TMEM192: variants seen among roughly 807,000 people sequenced by gnomAD.
TMEM192 encodes transmembrane protein 192.
TMEM192 carries 20 observed loss-of-function variants against 26.7 expected under a neutral mutation model. The observed-to-expected ratio is 0.75, with a 90% CI of 0.53 to 1.09. TMEM192 has a LOEUF of 1.09. Among genes scored for constraint, TMEM192 ranks in the 50% least tolerant of loss-of-function variants. The probability of loss-of-function intolerance (pLI) is 0.00; values close to 1 mark genes in which losing one functional copy is unlikely to be tolerated. For synonymous variants in TMEM192, 124 were observed against 121.0 expected (o/e 1.02, Z -0.16); for missense variants, 304 against 322.6 (o/e 0.94, Z 0.44).
Position 165,078,353 on chromosome 4 carries a change from A to ATTTG in TMEM192, c.*1304_*1305insCAAA, listed in dbSNP as rs1734436162. 6.6e-6 allele frequency: 1 copy of ATTTG among 152,220 alleles called. No individual in the cohort carries two copies. The highest frequency in any genetic ancestry group is 2.1e-4 in the South Asian group (1 of 4,832). 9.4% of individuals were successfully genotyped at this position (152,220 alleles called of 1,614,324 possible). A position where few individuals can be genotyped will look rare whatever the true frequency, so the allele number is the denominator to read the frequency against. On this transcript the variant is annotated 3_prime_UTR_variant, in exon 6 of 6. Coordinates refer to ENST00000306480, the MANE Select transcript of TMEM192 (RefSeq NM_001100389.2). ...CAGCATATAACAGTGCTAACAGCAAACTGACAAATTAAAGGGGCATACTAG... is the reference window on the plus strand; with the variant it reads ...CAGCATATAACAGTGCTAACAGCAAATTTGCTGACAAATTAAAGGGGCATACTAG...
chr4:165,111,607 T>C (rs1735294174), intron 1 of TMEM192: 2 of 152,202 alleles, frequency 1.3e-5, no homozygotes, highest in South Asian at 4.1e-4. Flanking sequence ...TCAGAAACAA[T>C]GAATTTTGCT....
intron 3 of TMEM192, among the ~76,000 whole-genome samples, chr4:165,092,016 G>GATGAAGAT (rs1734777389): frequency 6.6e-6 from 1 of 151,266 alleles, no homozygotes; most frequent in South Asian, 2.1e-4. Flanking sequence ...GAAAATCCAG[G>GATGAAGAT]ACAAGTTACC....
intron 1 of TMEM192, chr4:165,111,680 C>T (rs544662958): frequency 6.6e-6 from 1 of 152,280 alleles, no homozygotes; most frequent in South Asian, 2.1e-4. Flanking sequence ...ATTTTCTCAA[C>T]TGGAAAAAAT....
At chr4:165,094,840 AGC>A (rs1734856601) in intron 3 of TMEM192, among the ~76,000 whole-genome samples, 1 of 150,692 alleles carries the variant, frequency 6.6e-6, no homozygotes, top group East Asian at 2.0e-4. Flanking sequence ...TGGGCATGGT[AGC>A]GCACACCTGT....
At chr4:165,099,464 TA>T (rs1734988684) in intron 3 of TMEM192, among the ~76,000 whole-genome samples, 1 of 152,180 alleles carries the variant, frequency 6.6e-6, no homozygotes, top group Non-Finnish European at 1.5e-5. Context: ...TCTGCAACGA[TA>T]AAGAAAAGCA....
chr4:165,100,536 A>T, intron 3 of TMEM192, 92 bp downstream of exon 3: 1 of 1,394,636 alleles, frequency 7.2e-7, no homozygotes, highest in Non-Finnish European at 9.7e-7. Flanking sequence ...ATGAGAGAAT[A>T]TATTTGATTC....
rs922740814 is a variant in TMEM192 at position 165,102,279 on chromosome 4, CT to C, written c.174+670del. Among the ~76,000 whole-genome samples the C allele has an allele frequency of 4.3e-4, 66 of 152,246 alleles. 1 individual carries two copies. In the Middle Eastern group the frequency reaches 0.014, roughly 32 times the overall value. ...TCAACATATGTAGACTTTTCTGCAT[CT>C]TTTTTGTAACTGAAAAAGTAATACA... On this transcript the variant is annotated intron_variant, in intron 2 of 5. Transcript: ENST00000306480.
At chr4:165,112,655 G>T in intron 1 of TMEM192, 92 bp downstream of exon 1, 2 of 1,556,634 alleles carry the variant, frequency 1.3e-6, no homozygotes, top group Admixed American at 1.8e-5. Flanking sequence ...GTCGCCAAGG[G>T]TGGCTTCCCT....
rs1734409767 is a variant in TMEM192 at position 165,077,488 on chromosome 4, T to A, written c.*2170A>T. On this transcript the variant is annotated 3_prime_UTR_variant, in exon 6 of 6. Transcript: ENST00000306480. ...AAGGCCGGGCACAGTGGCTCATGCC[T>A]GTAATCCCAACACTTTGGGAGGCCA... is the stretch of plus-strand genomic sequence containing the variant. The A allele has an allele frequency of 6.6e-6, 1 of 152,208 alleles. No individual in the cohort carries two copies. The highest frequency in any genetic ancestry group is 2.1e-4 in the South Asian group (1 of 4,824). The allele number at this position is 152,208 out of a possible 1,614,324, so 9.4% of individuals were successfully genotyped here.
At chr4:165,086,335 A>T (rs1302751851) in intron 4 of TMEM192, among the ~76,000 whole-genome samples, 4 of 151,252 alleles carry the variant, frequency 2.6e-5, no homozygotes, top group African/African-American at 9.7e-5. Flanking sequence ...TATGGGTGTG[A>T]GGGTGTATGG....
Position 165,076,020 on chromosome 4 carries a change from T to A in TMEM192, c.*3638A>T, listed in dbSNP as rs1043182595. 1 of 150,866 alleles carries A rather than the reference T, an allele frequency of 6.6e-6. No homozygotes were observed. Among genetic ancestry groups the A allele is most frequent in the Admixed American group, 6.6e-5 (1 of 15,114 alleles). The allele number at this position is 150,866 out of a possible 1,614,324, so 9.3% of individuals were successfully genotyped here. A position where few individuals can be genotyped will look rare whatever the true frequency, so the allele number is the denominator to read the frequency against. ...ACTGCACTCCAGCCTGGGAGACAGA[T>A]GAGACTAAAAAAAAAAACAAAACAA... is the stretch of plus-strand genomic sequence containing the variant. On this transcript the variant is annotated 3_prime_UTR_variant, in exon 6 of 6. Coordinates refer to ENST00000306480, the MANE Select transcript of TMEM192 (RefSeq NM_001100389.2).
chr4:165,086,669 C>T (rs1306513347), intron 4 of TMEM192, among the ~76,000 whole-genome samples: 1 of 152,000 alleles, frequency 6.6e-6, no homozygotes, highest in East Asian at 1.9e-4. Flanking sequence ...AAGTGATCCA[C>T]CCGCTGAGGC....
chr4:165,109,015 C>T (rs973838875), intron 1 of TMEM192, among the ~76,000 whole-genome samples: 2 of 152,194 alleles, frequency 1.3e-5, no homozygotes, highest in Non-Finnish European at 2.9e-5. Flanking sequence ...GTCTGATGTC[C>T]GGTATCTCAC....
chr4:165,079,158 C>T lies in TMEM192; in HGVS notation c.*500G>A, dbSNP rs1370788485. 1 of 152,604 alleles carries T rather than the reference C, an allele frequency of 6.6e-6. No individual in the cohort carries two copies. The highest frequency in any genetic ancestry group is 2.4e-5 in the African/African-American group (1 of 41,470). 9.5% of individuals were successfully genotyped at this position (152,604 alleles called of 1,614,324 possible). ...ATAAAAGCTATATGGTCCATGATGT[C>T]ATCCAACACCACATAAGCATATAAA... On this transcript the variant is annotated 3_prime_UTR_variant, in exon 6 of 6. Transcript: ENST00000306480.
intron 3 of TMEM192, among the ~76,000 whole-genome samples, chr4:165,096,410 A>C (rs79141715): frequency 1.3e-5 from 2 of 151,232 alleles, no homozygotes; most frequent in African/African-American, 4.9e-5. Flanking sequence ...CAAAAAAAAA[A>C]TTATATATAT....
chr4:165,108,443 T>C (rs1483671639), intron 1 of TMEM192, among the ~76,000 whole-genome samples: 2 of 152,124 alleles, frequency 1.3e-5, no homozygotes, highest in African/African-American at 4.8e-5. Flanking sequence ...CCTATATTCG[T>C]GAACTTTGTT....
rs564490422 is a variant in TMEM192 at position 165,079,724 on chromosome 4, C to G, written c.750G>C (p.Ala250=). 6 of 1,614,000 alleles carry G rather than the reference C, an allele frequency of 3.7e-6. No individual in the cohort carries two copies. In the South Asian group the frequency reaches 4.4e-5, roughly 12 times the overall value. The change falls in exon 6 of 6, where the codon GCG becomes GCC. Residue 250 remains alanine (A), a synonymous_variant. Transcript: ENST00000306480. ...GAGCCAACAATCGCTTACTCAGCAG[C>G]GCATTGTGTCGCTTCAGGTATTCAA... The part of the protein sequence containing the change: ...DTIEYLKRHN[A]LLSKRLLALT...
At chr4:165,096,842 A>T (rs28366431) in intron 3 of TMEM192, among the ~76,000 whole-genome samples, 1 of 152,016 alleles carries the variant, frequency 6.6e-6, no homozygotes, top group Non-Finnish European at 1.5e-5. Context: ...AAAGGTAAAG[A>T]TCAAATAATC....
chr4:165,095,659 C>A (rs144620050), intron 3 of TMEM192, among the ~76,000 whole-genome samples: 5 of 152,282 alleles, frequency 3.3e-5, no homozygotes, highest in African/African-American at 1.2e-4. Context: ...GAGAGACTGA[C>A]TGGACCCACA....
Sources: gnomAD v4.1 joint callset for allele counts (sites outside exome capture counted in the v4.1 genomes callset) on GRCh38, gnomAD v4.1.1 for gene constraint, MANE v1.5 for transcripts, NCBI Gene and HGNC (gene_info 2026-07-23, HGNC 2026-07-21) for gene names.